The following CRIM1 variants were observed in gnomAD, a reference collection of about 807,000 sequenced individuals.
CRIM1 encodes the protein cysteine-rich motor neuron 1 protein.
In CRIM1, 32 loss-of-function variants were observed where a neutral mutation model predicts 116.4. The observed-to-expected ratio is 0.27, with a 90% confidence interval of 0.21 to 0.37. CRIM1 has a LOEUF of 0.37. Ranked by LOEUF, CRIM1 falls within the 10% of genes least tolerant of loss-of-function variation. The pLI is 1.00. For missense variants in CRIM1, 1,331 were observed against 1,354.8 expected (o/e 0.98, Z 0.28); for synonymous variants, 590 against 509.2 (o/e 1.16, Z -2.13).
rs146453532 is a variant in CRIM1, at chr2:36,544,464, G to T, written c.2712G>T (p.Thr904=). The T allele has an allele frequency of 7.2e-7, 1 of 1,396,658 alleles. No individual in the cohort carries two copies. Among genetic ancestry groups the T allele is most frequent in the Non-Finnish European group, 9.4e-7 (1 of 1,069,402 alleles). The allele number at this position is 1,396,658 out of a possible 1,614,324, so 86.5% of individuals were successfully genotyped here. A position where few individuals can be genotyped will look rare whatever the true frequency, so the allele number is the denominator to read the frequency against. ...EVDLEVPLWP[T]PSENDIVHLP... ...ACCTGGAGGTTCCCCTGTGGCCCAC[G>T]CCTAGTGAAAATGATATCGTCCATC... is the stretch of plus-strand genomic sequence containing the variant. The change falls in exon 15 of 17, where the codon ACG becomes ACT. Residue 904 remains threonine (T), a synonymous_variant. Coordinates refer to ENST00000280527, the MANE Select transcript of CRIM1 (RefSeq NM_016441.3).
intron 4 of CRIM1, among the ~76,000 whole-genome samples, chr2:36,449,287 G>A (rs1676500922): frequency 6.6e-6 from 1 of 152,132 alleles, no homozygotes; most frequent in Non-Finnish European, 1.5e-5. Context: ...CCTAGCCGGT[G>A]CACATCAGCG....
intron 14 of CRIM1, among the ~76,000 whole-genome samples, chr2:36,537,990 CT>C (rs1490720243): frequency 6.6e-6 from 1 of 152,124 alleles, no homozygotes; most frequent in African/African-American, 2.4e-5. Flanking sequence ...CTGGTTCATT[CT>C]TTTTTTACTT....
At chr2:36,378,234 T>A in intron 1 of CRIM1, 1 of 459,882 alleles carries the variant, frequency 2.2e-6, no homozygotes. Context: ...AAATGTATTT[T>A]AAATCAATGA....
At chr2:36,536,406 G>A (rs894582004) in intron 13 of CRIM1, among the ~76,000 whole-genome samples, 1 of 152,162 alleles carries the variant, frequency 6.6e-6, no homozygotes, top group Non-Finnish European at 1.5e-5. Context: ...GAGTGGCGCT[G>A]CTTGTAGAAT....
At chr2:36,432,690 G>A (rs941439745) in intron 2 of CRIM1, among the ~76,000 whole-genome samples, 1 of 152,078 alleles carries the variant, frequency 6.6e-6, no homozygotes, top group African/African-American at 2.4e-5. Context: ...AAGAATTAAA[G>A]CAGCTTTAAA....
chr2:36,483,831 C>G (rs146633075), intron 7 of CRIM1, among the ~76,000 whole-genome samples: 142 of 152,308 alleles, frequency 9.3e-4, no homozygotes, highest in African/African-American at 3.2e-3. Context: ...AGTGAGGGAG[C>G]AGACCCTGAT....
Position 36,492,895 on chromosome 2 carries a change from G to A in CRIM1, c.1373-6324G>A, listed in dbSNP as rs573071665. Among the ~76,000 whole-genome samples the A allele has an allele frequency of 1.6e-3, 251 of 152,216 alleles. 1 individual carries two copies. The highest frequency in any genetic ancestry group is 8.9e-3 in the South Asian group (43 of 4,822). ...AAATAAAACTACCTTAAGAAAGAGCGCCTGAAGTAAGTCTGAAAAGAAAGC... is the reference window on the plus strand; with the variant it reads ...AAATAAAACTACCTTAAGAAAGAGCACCTGAAGTAAGTCTGAAAAGAAAGC... On this transcript the variant is annotated intron_variant, in intron 7 of 16. Coordinates refer to ENST00000280527, the MANE Select transcript of CRIM1 (RefSeq NM_016441.3).
intron 2 of CRIM1, among the ~76,000 whole-genome samples, chr2:36,425,422 T>C (rs1342192823): frequency 1.3e-5 from 2 of 152,210 alleles, no homozygotes; most frequent in Non-Finnish European, 2.9e-5. Context: ...TTAGACTCAT[T>C]ACTGAAAACT....
intron 2 of CRIM1, among the ~76,000 whole-genome samples, chr2:36,428,555 G>A (rs1168843335): frequency 6.6e-6 from 1 of 152,208 alleles, no homozygotes; most frequent in African/African-American, 2.4e-5. Context: ...GCTTGTGGAT[G>A]ACAAAGCGTT....
intron 6 of CRIM1, among the ~76,000 whole-genome samples, chr2:36,479,047 A>G (rs1478331512): frequency 1.3e-5 from 2 of 152,288 alleles, no homozygotes; most frequent in East Asian, 3.9e-4. Context: ...CATGAGATAG[A>G]GTTTTAGAAG....
At chr2:36,464,735 T>C in intron 5 of CRIM1, 80 bp downstream of exon 5, 1 of 1,543,474 alleles carries the variant, frequency 6.5e-7, no homozygotes, top group Non-Finnish European at 8.9e-7. Context: ...TAGCTGCTTC[T>C]GCCTTTTACA....
intron 1 of CRIM1, among the ~76,000 whole-genome samples, chr2:36,383,646 G>T (rs1365090642): frequency 6.6e-6 from 1 of 152,302 alleles, no homozygotes; most frequent in Non-Finnish European, 1.5e-5. Context: ...CTCTCAAGAA[G>T]CTCAGCAATG....
At chr2:36,503,971 A>G (rs1450736019) in intron 8 of CRIM1, among the ~76,000 whole-genome samples, 1 of 152,068 alleles carries the variant, frequency 6.6e-6, no homozygotes, top group Non-Finnish European at 1.5e-5. Flanking sequence ...CCCAGGCTCA[A>G]GCGATCCTCC....
intron 7 of CRIM1, among the ~76,000 whole-genome samples, chr2:36,485,030 T>G (rs1373623629): frequency 6.6e-6 from 1 of 152,184 alleles, no homozygotes; most frequent in Non-Finnish European, 1.5e-5. Flanking sequence ...ATTTTTTAAG[T>G]TTTCTTCTTA....
chr2:36,405,641 G>A (rs1485798569), intron 2 of CRIM1, among the ~76,000 whole-genome samples: 24 of 152,184 alleles, frequency 1.6e-4, no homozygotes, highest in Admixed American at 1.5e-3. Context: ...TATGTGAATC[G>A]ACTTCGCTGC....
intron 2 of CRIM1, among the ~76,000 whole-genome samples, chr2:36,399,932 T>C (rs1265670755): frequency 6.6e-6 from 1 of 152,242 alleles, no homozygotes; most frequent in African/African-American, 2.4e-5. Context: ...GGTCACCTAC[T>C]GGTGCTGACA....
chr2:36,460,341 T>C (rs1167975742), intron 4 of CRIM1, among the ~76,000 whole-genome samples: 1 of 152,164 alleles, frequency 6.6e-6, no homozygotes, highest in Non-Finnish European at 1.5e-5. Flanking sequence ...GGCAAGTCCA[T>C]AGAGACAGAA....
intron 7 of CRIM1, among the ~76,000 whole-genome samples, chr2:36,495,878 GTAGA>G (rs375312383): frequency 5.3e-5 from 8 of 151,392 alleles, no homozygotes; most frequent in South Asian, 2.1e-4. Flanking sequence ...TCATAAATAG[GTAGA>G]TAGTCTATAT....
intron 1 of CRIM1, among the ~76,000 whole-genome samples, chr2:36,371,136 G>A (rs745438296): frequency 5.9e-5 from 9 of 152,018 alleles, no homozygotes; most frequent in African/African-American, 2.4e-5. Context: ...GGTTTCAGAC[G>A]CCCCCATAGT....
Sources: allele counts gnomAD v4.1 joint callset (sites outside exome capture counted in the v4.1 genomes callset), GRCh38; gene constraint gnomAD v4.1.1; transcripts MANE v1.5; gene names NCBI Gene and HGNC (gene_info 2026-07-23, HGNC 2026-07-21).